CDH12: variants seen among roughly 807,000 people sequenced by gnomAD.
CDH12 encodes the protein cadherin-12.
A neutral mutation model predicts 74.1 loss-of-function variants in CDH12; 41 were observed. That is an observed-to-expected ratio of 0.55 (90% confidence interval 0.43 to 0.72). The LOEUF is 0.72. Among genes scored for constraint, CDH12 ranks in the 30% least tolerant of loss-of-function variants. The pLI is 0.00. For missense variants in CDH12, 945 were observed against 977.2 expected (o/e 0.97, Z 0.44); for synonymous variants, 399 against 355.0 (o/e 1.12, Z -1.39).
At chr5:21,916,004 A>G (rs1357295847) in intron 6 of CDH12, among the ~76,000 whole-genome samples, 1 of 152,132 alleles carries the variant, frequency 6.6e-6, no homozygotes, top group Non-Finnish European at 1.5e-5. Flanking sequence ...ATACTGCTTC[A>G]TAATAAAAAA....
At chr5:22,556,837 A>T (rs1437676118) in intron 1 of CDH12, among the ~76,000 whole-genome samples, 1 of 152,032 alleles carries the variant, frequency 6.6e-6, no homozygotes, top group Non-Finnish European at 1.5e-5. Context: ...ACAACCCAGA[A>T]ATGTCTATCT....
At chr5:22,701,968 A>G (rs973858896) in intron 1 of CDH12, among the ~76,000 whole-genome samples, 5 of 152,138 alleles carry the variant, frequency 3.3e-5, no homozygotes, top group Admixed American at 1.3e-4. Flanking sequence ...ATAGACTGAC[A>G]TTTGATATAA....
intron 11 of CDH12, among the ~76,000 whole-genome samples, chr5:21,781,642 T>G (rs796563768): frequency 2.2e-4 from 33 of 151,886 alleles, no homozygotes; most frequent in African/African-American, 7.7e-4. Context: ...GAGAATCGCT[T>G]GAACCCAGAA....
At chr5:22,186,684 T>C (rs1379790154) in intron 4 of CDH12, among the ~76,000 whole-genome samples, 3 of 152,198 alleles carry the variant, frequency 2.0e-5, no homozygotes, top group Non-Finnish European at 2.9e-5. Context: ...TTGGCCAGTC[T>C]GGTCTTGAAC....
intron 4 of CDH12, among the ~76,000 whole-genome samples, chr5:22,174,861 G>T (rs1380639807): frequency 2.6e-5 from 4 of 151,838 alleles, no homozygotes; most frequent in Admixed American, 6.6e-5. Flanking sequence ...AAATTTTAAA[G>T]AACTGTCTTT....
intron 1 of CDH12, among the ~76,000 whole-genome samples, chr5:22,582,032 G>T (rs1329605003): frequency 6.6e-6 from 1 of 152,032 alleles, no homozygotes; most frequent in African/African-American, 2.4e-5. Context: ...TAGTATGTAT[G>T]TGCAGATTAA....
intron 3 of CDH12, among the ~76,000 whole-genome samples, chr5:22,295,063 A>G (rs1176104119): frequency 1.3e-5 from 2 of 152,290 alleles, no homozygotes; most frequent in East Asian, 3.9e-4. Context: ...AATGTCCTCT[A>G]GTACTTTTCC....
intron 1 of CDH12, among the ~76,000 whole-genome samples, chr5:22,780,777 T>C (rs1044932696): frequency 1.3e-5 from 2 of 152,094 alleles, no homozygotes; most frequent in East Asian, 3.9e-4. Flanking sequence ...CCTGTTTCTC[T>C]CTTTTTTTTA....
intron 6 of CDH12, among the ~76,000 whole-genome samples, chr5:21,861,195 C>T (rs898879301): frequency 7.3e-5 from 11 of 151,692 alleles, no homozygotes; most frequent in Non-Finnish European, 1.2e-4. Flanking sequence ...TTTAACTACC[C>T]TTTCTACATT....
intron 3 of CDH12, among the ~76,000 whole-genome samples, chr5:22,264,452 T>C (rs1753634979): frequency 6.6e-6 from 1 of 152,206 alleles, no homozygotes; most frequent in African/African-American, 2.4e-5. Flanking sequence ...GTAGAGTTAA[T>C]GACAGCAAAA....
At chr5:22,013,159 C>T (rs560169188) in intron 5 of CDH12, among the ~76,000 whole-genome samples, 1 of 152,260 alleles carries the variant, frequency 6.6e-6, no homozygotes, top group African/African-American at 2.4e-5. Flanking sequence ...TACAATTACG[C>T]ATGGCTGGGG....
intron 3 of CDH12, among the ~76,000 whole-genome samples, chr5:22,298,184 T>A (rs980524465): frequency 6.6e-6 from 1 of 150,782 alleles, no homozygotes; most frequent in African/African-American, 2.4e-5. Context: ...CACTTAGCAC[T>A]GGGTGTTTAT....
At chr5:22,824,964 A>G (rs879334453) in intron 1 of CDH12, among the ~76,000 whole-genome samples, 3 of 151,858 alleles carry the variant, frequency 2.0e-5, no homozygotes, top group African/African-American at 4.8e-5. Flanking sequence ...TACTAACAAA[A>G]TAATTTGTTG....
At chr5:22,611,102 C>G (rs539645272) in intron 1 of CDH12, among the ~76,000 whole-genome samples, 2 of 152,206 alleles carry the variant, frequency 1.3e-5, no homozygotes, top group African/African-American at 4.8e-5. Flanking sequence ...GCTATATGCT[C>G]ATGATGTGAA....
At chr5:22,823,265 G>A (rs1323007153) in intron 1 of CDH12, among the ~76,000 whole-genome samples, 3 of 151,416 alleles carry the variant, frequency 2.0e-5, no homozygotes, top group African/African-American at 7.3e-5. Flanking sequence ...GATAGCATTA[G>A]GAGTTACACC....
intron 1 of CDH12, among the ~76,000 whole-genome samples, chr5:22,852,428 C>T (rs1370973494): frequency 1.3e-5 from 2 of 152,136 alleles, no homozygotes; most frequent in Non-Finnish European, 2.9e-5. Context: ...GATCAATAAC[C>T]TTAAAATAAT....
At chr5:22,079,812 A>G (rs1465512536) in intron 4 of CDH12, among the ~76,000 whole-genome samples, 1 of 152,174 alleles carries the variant, frequency 6.6e-6, no homozygotes, top group Non-Finnish European at 1.5e-5. Context: ...GTGGTAGATA[A>G]AAAAACAGAC....
At chr5:22,680,137 A>T (rs1337326415) in intron 1 of CDH12, among the ~76,000 whole-genome samples, 1 of 152,036 alleles carries the variant, frequency 6.6e-6, no homozygotes, top group Non-Finnish European at 1.5e-5. Flanking sequence ...GGCAACAAAG[A>T]TTGTTTCTCT....
intron 11 of CDH12, among the ~76,000 whole-genome samples, chr5:21,782,244 A>G (rs1012081411): frequency 6.6e-6 from 1 of 152,212 alleles, no homozygotes; most frequent in Admixed American, 6.5e-5. Flanking sequence ...CTTACATGAC[A>G]CTTTGGAACT....
Sources: gnomAD v4.1 joint callset for allele counts (sites outside exome capture counted in the v4.1 genomes callset) on GRCh38, gnomAD v4.1.1 for gene constraint, MANE v1.5 for transcripts, NCBI Gene and HGNC (gene_info 2026-07-23, HGNC 2026-07-21) for gene names.